The following DZANK1 variants were observed in gnomAD, a reference collection of about 807,000 sequenced individuals.
DZANK1 encodes double zinc ribbon and ankyrin repeat-containing protein 1.
In DZANK1, 91 loss-of-function variants were observed where a neutral mutation model predicts 94.5. The observed-to-expected ratio is 0.96, with a 90% CI of 0.81 to 1.15. The LOEUF is 1.15. Ranked by LOEUF, DZANK1 falls within the 50% of genes most tolerant of loss-of-function variation. The pLI, the probability that DZANK1 is intolerant of heterozygous loss-of-function variation, is 0.00. For missense variants in DZANK1, 903 were observed against 916.4 expected (o/e 0.99, Z 0.19); for synonymous variants, 312 against 325.3 (o/e 0.96, Z 0.44).
At chr20:18,430,843 G>T (rs2058255731) in intron 9 of DZANK1, among the ~76,000 whole-genome samples, 1 of 152,074 alleles carries the variant, frequency 6.6e-6, no homozygotes, top group Admixed American at 6.6e-5. Flanking sequence ...AATAAAAAAA[G>T]AAATGACCAA....
intron 20 of DZANK1, 131 bp downstream of exon 20, chr20:18,384,885 C>T (rs1352987057): frequency 4.6e-6 from 4 of 876,488 alleles, no homozygotes; most frequent in Non-Finnish European, 7.0e-6. Flanking sequence ...CCCCGGAAGC[C>T]ATGGTGGGAT....
exon 13 of DZANK1, chr20:18,412,737 T>C (rs1434468264): frequency 6.2e-7 from 1 of 1,613,718 alleles, no homozygotes; most frequent in Non-Finnish European, 8.5e-7. Flanking sequence ...GTTCCTTTTT[T>C]GCTAGCAGCT....
At chr20:18,448,201 C>T (rs1386624494) in intron 7 of DZANK1, among the ~76,000 whole-genome samples, 2 of 152,012 alleles carry the variant, frequency 1.3e-5, no homozygotes, top group African/African-American at 4.8e-5. Context: ...TGTAGTTCAA[C>T]AATAAAAAGA....
chr20:18,425,473 C>T (rs1055522701), intron 10 of DZANK1, among the ~76,000 whole-genome samples: 2 of 151,904 alleles, frequency 1.3e-5, no homozygotes, highest in South Asian at 2.1e-4. Flanking sequence ...ATCGCTTGAA[C>T]CAGGGAGGCG....
intron 6 of DZANK1, chr20:18,451,777 G>C: frequency 2.2e-6 from 1 of 458,584 alleles, no homozygotes; most frequent in Non-Finnish European, 4.3e-6. Flanking sequence ...CCTCTCATCC[G>C]TCGGATCCCT....
intron 15 of DZANK1, among the ~76,000 whole-genome samples, chr20:18,395,476 T>C (rs1179160742): frequency 6.6e-6 from 1 of 152,212 alleles, no homozygotes; most frequent in Non-Finnish European, 1.5e-5. Flanking sequence ...GCCTGCCCCA[T>C]TCCCACTAGC....
chr20:18,424,466 C>CAAAAAAAAAAAAAAAAAAA (rs1349325867), intron 10 of DZANK1, among the ~76,000 whole-genome samples: 1 of 99,306 alleles, frequency 1.0e-5, no homozygotes, highest in African/African-American at 4.6e-5. Context: ...ATAACAACAA[C>CAAAAAAAAAAAAAAAAAAA]AACAAAAAAA....
At chr20:18,445,904 T>C (rs1032880739) in intron 7 of DZANK1, among the ~76,000 whole-genome samples, 2 of 152,050 alleles carry the variant, frequency 1.3e-5, no homozygotes, top group Non-Finnish European at 2.9e-5. Flanking sequence ...TTGACAGGCA[T>C]GTGCCACCAT....
intron 10 of DZANK1, chr20:18,420,337 G>T: frequency 5.8e-6 from 1 of 173,090 alleles, no homozygotes; most frequent in East Asian, 1.6e-4. Flanking sequence ...CCCCACTGCA[G>T]GGTGGGTAGG....
exon 12 of DZANK1, chr20:18,414,510 G>A (rs778790174): frequency 5.2e-5 from 83 of 1,601,086 alleles, no homozygotes; most frequent in Middle Eastern, 1.6e-4. Context: ...CAGGAATGCC[G>A]AGCTAGAGGA....
chr20:18,427,978 G>A (rs377094771), intron 9 of DZANK1, among the ~76,000 whole-genome samples: 2 of 151,210 alleles, frequency 1.3e-5, no homozygotes, highest in East Asian at 2.0e-4. Flanking sequence ...GTGAAACCCC[G>A]TCTCTACTAA....
chr20:18,435,624 T>A (rs184018507), intron 8 of DZANK1, among the ~76,000 whole-genome samples: 10 of 152,124 alleles, frequency 6.6e-5, no homozygotes, highest in Admixed American at 5.9e-4. Context: ...GGAAAAGCAT[T>A]AGGACAAATA....
chr20:18,464,220 T>C (rs2059568843), intron 2 of DZANK1, among the ~76,000 whole-genome samples: 2 of 151,938 alleles, frequency 1.3e-5, no homozygotes, highest in Admixed American at 6.5e-5. Context: ...ATTACAGGCA[T>C]TGGCCACCAT....
chr20:18,435,996 A>C (rs2058506742), intron 8 of DZANK1, among the ~76,000 whole-genome samples: 1 of 152,204 alleles, frequency 6.6e-6, no homozygotes, highest in Non-Finnish European at 1.5e-5. Context: ...TGACGCAGTC[A>C]AGAAAAAACT....
intron 8 of DZANK1, among the ~76,000 whole-genome samples, chr20:18,435,592 T>C (rs1460097674): frequency 6.6e-6 from 1 of 151,844 alleles, no homozygotes; most frequent in Non-Finnish European, 1.5e-5. Context: ...CCGGGGTCTG[T>C]CGGGGGTGGG....
chr20:18,398,564 G>C (rs2056490389), exon 14 of DZANK1: 1 of 1,613,872 alleles, frequency 6.2e-7, no homozygotes, highest in Non-Finnish European at 8.5e-7. Flanking sequence ...CGGAATTCAG[G>C]GTTGTTCTGA....
chr20:18,440,934 TATACA>T (rs1442430307), intron 8 of DZANK1, among the ~76,000 whole-genome samples: 1 of 152,188 alleles, frequency 6.6e-6, no homozygotes, highest in Non-Finnish European at 1.5e-5. Flanking sequence ...GTCCCCAACA[TATACA>T]ATACAATTTT....
At chr20:18,425,777 T>A (rs979594575) in intron 10 of DZANK1, among the ~76,000 whole-genome samples, 2 of 152,026 alleles carry the variant, frequency 1.3e-5, no homozygotes, top group Non-Finnish European at 2.9e-5. Flanking sequence ...CACAGTGGCA[T>A]ACACACACAG....
chr20:18,438,532 G>A (rs1303612424), intron 8 of DZANK1, among the ~76,000 whole-genome samples: 28 of 152,160 alleles, frequency 1.8e-4, no homozygotes, highest in Non-Finnish European at 5.9e-5. Context: ...AAAAGAGCTA[G>A]AGTAGCTACA....
Sources: gnomAD v4.1 joint callset for allele counts (sites outside exome capture counted in the v4.1 genomes callset) on GRCh38, gnomAD v4.1.1 for gene constraint, MANE v1.5 for transcripts, NCBI Gene and HGNC (gene_info 2026-07-23, HGNC 2026-07-21) for gene names.